DNM3: variants seen among roughly 807,000 people sequenced by gnomAD.
The protein encoded by DNM3 is dynamin 3, also known as dynamin-3.
Under a neutral mutation model 101.6 loss-of-function variants are expected in DNM3, and 47 were observed. The ratio of observed to expected loss-of-function variants is 0.46; its 90% CI spans 0.37 to 0.59. DNM3 has a LOEUF of 0.59. DNM3 is among the 20% of genes least tolerant of loss of function. The pLI is 0.00. For synonymous variants in DNM3, 385 were observed against 387.9 expected, an observed-to-expected ratio of 0.99 and a Z score of 0.09; for missense variants, 849 against 1,085.7, an observed-to-expected ratio of 0.78 and a Z score of 3.06.
chr1:172,250,824 G>C (rs1057329984), intron 14 of DNM3, among the ~76,000 whole-genome samples: 1 of 152,018 alleles, frequency 6.6e-6, no homozygotes. Flanking sequence ...AGGAAGGAAA[G>C]AGTTAAGTAC....
intron 16 of DNM3, among the ~76,000 whole-genome samples, chr1:172,320,405 A>G (rs1165732417): frequency 6.6e-6 from 1 of 151,720 alleles, no homozygotes; most frequent in Non-Finnish European, 1.5e-5. Context: ...AAGAAAAAAA[A>G]AAAAGAAAAT....
At chr1:171,952,525 A>G (rs944904089) in intron 2 of DNM3, among the ~76,000 whole-genome samples, 2 of 152,120 alleles carry the variant, frequency 1.3e-5, no homozygotes, top group Admixed American at 1.3e-4. Flanking sequence ...CTCCCTTTCC[A>G]TCACGGCTGA....
intron 14 of DNM3, among the ~76,000 whole-genome samples, chr1:172,181,827 A>T (rs1382086698): frequency 6.7e-5 from 10 of 149,892 alleles, no homozygotes; most frequent in African/African-American, 2.5e-4. Context: ...TTTTGAAAAT[A>T]AACTGGGGTT....
At chr1:172,015,455 T>C (rs1297266569) in intron 4 of DNM3, among the ~76,000 whole-genome samples, 1 of 152,212 alleles carries the variant, frequency 6.6e-6, no homozygotes, top group African/African-American at 2.4e-5. Flanking sequence ...CATCAGAGTT[T>C]TGTAGTTTTC....
chr1:171,895,099 C>T (rs535452687), intron 1 of DNM3, among the ~76,000 whole-genome samples: 4 of 152,198 alleles, frequency 2.6e-5, no homozygotes, highest in South Asian at 4.2e-4. Flanking sequence ...AATAAATATA[C>T]GTGTGCATGT....
chr1:172,008,871 A>AT (rs2046889143), intron 4 of DNM3, among the ~76,000 whole-genome samples: 1 of 136,662 alleles, frequency 7.3e-6, no homozygotes, highest in Non-Finnish European at 1.5e-5. Flanking sequence ...CTATATAAAT[A>AT]ATATTAATAT....
chr1:172,322,169 C>T (rs934795790), intron 16 of DNM3, among the ~76,000 whole-genome samples: 2 of 152,144 alleles, frequency 1.3e-5, no homozygotes, highest in African/African-American at 2.4e-5. Context: ...ATTACCTTTC[C>T]GCTCTCCAGA....
At chr1:172,046,657 G>A (rs911083348) in intron 9 of DNM3, among the ~76,000 whole-genome samples, 4 of 152,054 alleles carry the variant, frequency 2.6e-5, no homozygotes, top group Non-Finnish European at 5.9e-5. Context: ...AAGTGAAGAG[G>A]AGAAAACATC....
intron 13 of DNM3, among the ~76,000 whole-genome samples, chr1:172,114,286 C>G (rs12080826): frequency 6.4e-4 from 97 of 152,230 alleles, no homozygotes; most frequent in African/African-American, 2.2e-3. Flanking sequence ...ACAGCAAGGA[C>G]TAGAAAGAAC....
intron 14 of DNM3, among the ~76,000 whole-genome samples, chr1:172,225,478 A>G (rs2061080021): frequency 6.6e-6 from 1 of 151,886 alleles, no homozygotes; most frequent in Non-Finnish European, 1.5e-5. Flanking sequence ...ACTTTTTCCC[A>G]GTGTCAGCAC....
chr1:171,879,227 C>T (rs191781327), intron 1 of DNM3, among the ~76,000 whole-genome samples: 28 of 152,328 alleles, frequency 1.8e-4, no homozygotes, highest in Middle Eastern at 3.4e-3. Context: ...AGAAGTTAGA[C>T]TGTTCTTCCT....
chr1:172,039,198 C>G (rs1442414855), intron 7 of DNM3, among the ~76,000 whole-genome samples: 1 of 152,094 alleles, frequency 6.6e-6, no homozygotes, highest in Non-Finnish European at 1.5e-5. Flanking sequence ...TGTGTCAAGT[C>G]CCTCTCAACA....
intron 2 of DNM3, among the ~76,000 whole-genome samples, chr1:171,984,141 G>A (rs2045053183): frequency 6.6e-6 from 1 of 151,944 alleles, no homozygotes. Flanking sequence ...CCCCACTGTT[G>A]CCACCCTGGT....
At chr1:172,058,286 C>A (rs377555783) in intron 10 of DNM3, among the ~76,000 whole-genome samples, 1 of 151,858 alleles carries the variant, frequency 6.6e-6, no homozygotes, top group African/African-American at 2.4e-5. Flanking sequence ...GACAGATCAA[C>A]GAGACAGAAA....
intron 1 of DNM3, among the ~76,000 whole-genome samples, chr1:171,904,441 C>T (rs936485800): frequency 3.3e-5 from 5 of 152,162 alleles, no homozygotes; most frequent in African/African-American, 1.2e-4. Flanking sequence ...ATAATAAATC[C>T]TCCTTATTCC....
At chr1:172,193,549 G>T (rs997474709) in intron 14 of DNM3, among the ~76,000 whole-genome samples, 2 of 152,110 alleles carry the variant, frequency 1.3e-5, no homozygotes, top group Non-Finnish European at 2.9e-5. Flanking sequence ...CTTGTTATTG[G>T]TCTATTCAGG....
In DNM3 at chr1:172,394,352, T is replaced by C. The variant is rs570422495; in HGVS notation, c.2522+5543T>C. ...GCTTTGCAGATGCGTCAAGGTAGCCTTCAGATTGCCTCTCTGTTTTCAATG... is the reference window on the plus strand; with the variant it reads ...GCTTTGCAGATGCGTCAAGGTAGCCCTCAGATTGCCTCTCTGTTTTCAATG... On this transcript the variant is annotated intron_variant, in intron 20 of 20. Coordinates refer to ENST00000627582, the MANE Select transcript of DNM3 (RefSeq NM_015569.5). The C allele has an allele frequency of 8.5e-5, 13 of 152,336 alleles. No homozygotes were observed. The East Asian group carries it at 2.5e-3, about 29-fold the overall frequency. The allele number at this position is 152,336 out of a possible 1,614,324, so 9.4% of individuals were successfully genotyped here.
At chr1:171,939,709 G>C (rs2041686879) in intron 2 of DNM3, among the ~76,000 whole-genome samples, 1 of 152,146 alleles carries the variant, frequency 6.6e-6, no homozygotes, top group African/African-American at 2.4e-5. Context: ...AAATCTGAGA[G>C]GAAGAAGTAT....
intron 17 of DNM3, among the ~76,000 whole-genome samples, chr1:172,338,608 C>T (rs186632624): frequency 2.6e-5 from 4 of 152,254 alleles, no homozygotes; most frequent in Non-Finnish European, 4.4e-5. Context: ...TTGGCAATCC[C>T]CAGGCTGGAA....
Sources: allele counts gnomAD v4.1 joint callset (sites outside exome capture counted in the v4.1 genomes callset), GRCh38; gene constraint gnomAD v4.1.1; transcripts MANE v1.5; gene names NCBI Gene and HGNC (gene_info 2026-07-23, HGNC 2026-07-21).